The following C1S variants were observed in gnomAD, a reference collection of about 807,000 sequenced individuals.
C1S encodes the protein complement C1s.
Under a neutral mutation model 54.0 loss-of-function variants are expected in C1S, and 31 were observed. The observed-to-expected ratio is 0.57, with a 90% CI of 0.43 to 0.78. The LOEUF (loss-of-function observed/expected upper bound fraction) is 0.78, where lower values mean the gene tolerates loss of function less well. Among genes scored for constraint, C1S ranks in the 30% least tolerant of loss-of-function variants. The probability of loss-of-function intolerance (pLI) is 0.00; values close to 1 mark genes in which losing one functional copy is unlikely to be tolerated. For missense variants in C1S, 727 were observed against 851.8 expected, an observed-to-expected ratio of 0.85 and a Z score of 1.82; for synonymous variants, 292 against 303.6, an observed-to-expected ratio of 0.96 and a Z score of 0.40.
At chr12:7,067,307 G>T (rs1471344261) in intron 9 of C1S, 190 bp downstream of exon 9, 1 of 651,322 alleles carries the variant, frequency 1.5e-6, no homozygotes, top group African/African-American at 1.8e-5. Context: ...AACTAGATCG[G>T]CATGTTTCTT....
rs1555163175 is a variant in C1S, at chr12:7,070,688, A to C, written c.*37A>C. 2 of 1,459,602 alleles carry C rather than the reference A, an allele frequency of 1.4e-6. No homozygotes were observed. The highest frequency in any genetic ancestry group is 3.3e-5 in the Admixed American group (2 of 59,818). 90.4% of individuals were successfully genotyped at this position (1,459,602 alleles called of 1,614,324 possible). On this transcript the variant is annotated 3_prime_UTR_variant, in exon 12 of 12. Coordinates refer to ENST00000360817, the MANE Select transcript of C1S (RefSeq NM_001734.5). This position sits in a 1 kb window ranked among gnomAD's most constrained non-coding sequence, Gnocchi z 4.9. ...CCCACCAGCCTCTCCAAGGGTGGTG[A>C]CCAATGCATTACCTTCTGTTCCTTA... is the stretch of plus-strand genomic sequence containing the variant.
chr12:7,061,606 A>C, intron 1 of C1S: 1 of 471,766 alleles, frequency 2.1e-6, no homozygotes, highest in Non-Finnish European at 3.9e-6. Flanking sequence ...GAGAAAAATT[A>C]GGAGAAAGTC....
At chr12:7,061,597 A>G (rs1370896645) in intron 1 of C1S, 2 of 456,938 alleles carry the variant, frequency 4.4e-6, no homozygotes, top group African/African-American at 4.0e-5. Flanking sequence ...ATTCCTTTGG[A>G]GAAAAATTAG....
intron 6 of C1S, 105 bp downstream of exon 6, chr12:7,065,404 G>C (rs1947159874): frequency 6.0e-6 from 5 of 827,376 alleles, no homozygotes; most frequent in Middle Eastern, 4.4e-4. Flanking sequence ...TGCTCAAGCT[G>C]GAGTGCAGTG....
chr12:7,061,654 G>A, intron 1 of C1S, 185 bp from the exon 2 acceptor site: 1 of 581,344 alleles, frequency 1.7e-6, no homozygotes, highest in Non-Finnish European at 3.1e-6. Context: ...TTTAGCTATA[G>A]TCTAGAAAGT....
rs1555161207 is a variant in C1S at position 7,060,876 on chromosome 12, A to AGGT, written c.-75_-75+2dup. 1 of 152,288 alleles carries AGGT rather than the reference A, an allele frequency of 6.6e-6. No homozygotes were observed. The allele number at this position is 152,288 out of a possible 1,614,324, so 9.4% of individuals were successfully genotyped here. A position where few individuals can be genotyped will look rare whatever the true frequency, so the allele number is the denominator to read the frequency against. On this transcript the variant is annotated splice_region_variant and 5_prime_UTR_variant, in exon 1 of 12. Transcript: ENST00000360817. ...CCCACTTGCTCCTACCAGCTTCTGAAGGTAAAATCCTTACAAACGAGGAGC... is the reference window on the plus strand; with the variant it reads ...CCCACTTGCTCCTACCAGCTTCTGAAGGTGGTAAAATCCTTACAAACGAGGAGC...
Position 7,070,369 on chromosome 12 carries a change from C to T in C1S, c.1785C>T (p.Cys595=), listed in dbSNP as rs1555163049. 1.9e-6 allele frequency: 3 copies of T among 1,614,108 alleles called. No individual in the cohort carries two copies. The highest frequency in any genetic ancestry group is 2.7e-5 in the African/African-American group (2 of 74,938). ...TACCTGTAGCTCCTTTAAGAAAATG[C>T]AAAGAAGTGAAAGTGGAGAAACCCA... is the stretch of plus-strand genomic sequence containing the variant. ...ARLPVAPLRK[C]KEVKVEKPTA... The change falls in exon 12 of 12, where the codon TGC becomes TGT. Residue 595 remains cysteine, a synonymous_variant. Coordinates refer to ENST00000360817, the MANE Select transcript of C1S (RefSeq NM_001734.5). The surrounding 1 kb of genome is among the most constrained non-coding windows in gnomAD (Gnocchi z 4.9).
At chr12:7,066,240 G>T in intron 7 of C1S, 1 of 609,538 alleles carries the variant, frequency 1.6e-6, no homozygotes. Flanking sequence ...AGAATCCTGA[G>T]ATACTTCACT....
chr12:7,067,328 G>T, intron 9 of C1S: 1 of 639,342 alleles, frequency 1.6e-6, no homozygotes, highest in Non-Finnish European at 2.8e-6. Flanking sequence ...TCCAAGAAAG[G>T]GGCTATGGGA....
chr12:7,070,006 T>G lies in C1S; in HGVS notation c.1422T>G (p.Ala474=). ...ATGAGTACTGGGTGCTGACGGCTGC[T>G]CATGTTGTGGAGGGAAACAGGGAGC... ...LINEYWVLTA[A]HVVEGNREPT... is the part of the protein sequence containing the mutation. Residue 474 remains alanine, a synonymous_variant, in exon 12 of 12, where the codon GCT becomes GCG. Transcript: ENST00000360817. This position sits in a 1 kb window ranked among gnomAD's most constrained non-coding sequence, Gnocchi z 4.9. 1 of 1,614,162 alleles carries G rather than the reference T, an allele frequency of 6.2e-7. No individual in the cohort carries two copies.
chr12:7,070,014 T>C lies in C1S; in HGVS notation c.1430T>C (p.Val477Ala), dbSNP rs1555162941. ...TGGGTGCTGACGGCTGCTCATGTTGTGGAGGGAAACAGGGAGCCAACAATG... is the reference window on the plus strand; with the variant it reads ...TGGGTGCTGACGGCTGCTCATGTTGCGGAGGGAAACAGGGAGCCAACAATG... The part of the protein sequence containing the change: ...EYWVLTAAHV[V>A]EGNREPTMYV... Residue 477 changes from valine to alanine, a missense_variant, in exon 12 of 12, where the codon GTG (valine) becomes GCG (alanine). This residue lies in a region of C1S where 360 missense variants were observed against 453.6 expected (regional missense o/e 0.79). Coordinates refer to ENST00000360817, the MANE Select transcript of C1S (RefSeq NM_001734.5). The surrounding 1 kb of genome is among the most constrained non-coding windows in gnomAD (Gnocchi z 4.9). 6.2e-7 allele frequency: 1 copy of C among 1,614,198 alleles called. No homozygotes were observed. The highest frequency in any genetic ancestry group is 2.2e-5 in the East Asian group (1 of 44,872).
At chr12:7,064,734 G>A (rs1947148370) in intron 5 of C1S, among the ~76,000 whole-genome samples, 3 of 152,074 alleles carry the variant, frequency 2.0e-5, no homozygotes, top group Admixed American at 2.0e-4. Context: ...ATATCACTCT[G>A]TATTGGCATC....
In C1S at chr12:7,061,708, G is replaced by A. The variant is rs1555161284; in HGVS notation, c.-74-131G>A. The A allele has an allele frequency of 1.3e-5, 9 of 682,216 alleles. No individual in the cohort carries two copies. The East Asian group carries it at 2.5e-4, about 19-fold the overall frequency. The allele number at this position is 682,216 out of a possible 1,614,324, so 42.3% of individuals were successfully genotyped here. A position where few individuals can be genotyped will look rare whatever the true frequency, so the allele number is the denominator to read the frequency against. On this transcript the variant is annotated intron_variant, in intron 1 of 11. Transcript: ENST00000360817. ...GAGGGTGTGAGGGGCACGGTGCCAT[G>A]TGGGGATGTTGGTGATATGGCCCTG...
chr12:7,064,075 G>GGT (rs1947137181), intron 4 of C1S, 192 bp from the exon 5 acceptor site: 1 of 686,796 alleles, frequency 1.5e-6, no homozygotes, highest in African/African-American at 1.8e-5. Flanking sequence ...GCTGTGTAGT[G>GGT]GTAGGGCTCA....
chr12:7,061,856 T>G lies in C1S; in HGVS notation c.-57T>G. The G allele has an allele frequency of 1.2e-6, 2 of 1,610,732 alleles. No homozygotes were observed. Among genetic ancestry groups the G allele is most frequent in the Non-Finnish European group, 1.7e-6 (2 of 1,177,298 alleles). ...CCCCTTAGGCTCCAAAGTCCGGAGG[T>G]GCAGAAAGCCAGGACCAAGAGACAG... On this transcript the variant is annotated 5_prime_UTR_variant, in exon 2 of 12. Coordinates refer to ENST00000360817, the MANE Select transcript of C1S (RefSeq NM_001734.5).
chr12:7,061,991 C>T, intron 2 of C1S, 74 bp downstream of exon 2: 1 of 1,436,556 alleles, frequency 7.0e-7, no homozygotes, highest in South Asian at 1.1e-5. Context: ...GCTCAAGGGC[C>T]AGGCATGATG....
At chr12:7,061,535 T>G in intron 1 of C1S, 3 of 348,140 alleles carry the variant, frequency 8.6e-6, no homozygotes, top group East Asian at 6.9e-5. Context: ...ACCGCGGGGG[T>G]GGGGCTGGTG....
chr12:7,064,282 C>A lies in C1S; in HGVS notation c.407C>A (p.Thr136Lys), dbSNP rs781817367. 5 of 1,614,040 alleles carry A rather than the reference C, an allele frequency of 3.1e-6. No homozygotes were observed. Among genetic ancestry groups the A allele is most frequent in the Non-Finnish European group, 4.2e-6 (5 of 1,179,924 alleles). Residue 136 changes from threonine (T) to lysine (K), a missense_variant, in exon 5 of 12, where the codon ACA (threonine) becomes AAA (lysine). Around this residue, in one of 3 missense-constraint regions of C1S, gnomAD observed 357 missense variants for 365.4 expected, o/e 0.98. Coordinates refer to ENST00000360817, the MANE Select transcript of C1S (RefSeq NM_001734.5). Reference protein sequence around the residue: ...YYVATDINECTDFVDVPCSHF... With the variant: ...YYVATDINECKDFVDVPCSHF... ...CTCTTTGTAGACATAAATGAATGCA[C>A]AGATTTTGTAGATGTCCCTTGTAGC... is the stretch of plus-strand genomic sequence containing the variant.
At chr12:7,064,040 A>T (rs1379629138) in intron 4 of C1S, 2 of 592,512 alleles carry the variant, frequency 3.4e-6, no homozygotes, top group Non-Finnish European at 6.4e-6. Flanking sequence ...TCACTTACAC[A>T]CACACACCCC....
Sources: allele counts gnomAD v4.1 joint callset (sites outside exome capture counted in the v4.1 genomes callset), GRCh38; gene constraint gnomAD v4.1.1; regional missense constraint gnomAD v4.1.1; non-coding constraint Gnocchi (gnomAD v3.1); transcripts MANE v1.5; gene names NCBI Gene and HGNC (gene_info 2026-07-23, HGNC 2026-07-21).